SLC10A7: variants seen among roughly 807,000 people sequenced by gnomAD.
The protein encoded by SLC10A7 is sodium/bile acid cotransporter 7.
In SLC10A7, 29 loss-of-function variants were observed where a neutral mutation model predicts 43.2. The observed-to-expected ratio is 0.67, with a 90% CI of 0.50 to 0.92. The LOEUF (loss-of-function observed/expected upper bound fraction) is 0.92, where lower values mean the gene tolerates loss of function less well. Ranked by LOEUF, SLC10A7 falls within the 40% of genes least tolerant of loss-of-function variation. The pLI is 0.00. For synonymous variants in SLC10A7, 152 were observed against 144.8 expected (o/e 1.05, Z -0.35); for missense variants, 295 against 403.2 (o/e 0.73, Z 2.30).
At chr4:146,304,524 G>C (rs1471704871) in intron 7 of SLC10A7, among the ~76,000 whole-genome samples, 1 of 152,102 alleles carries the variant, frequency 6.6e-6, no homozygotes, top group Non-Finnish European at 1.5e-5. Flanking sequence ...AGTCATTCAG[G>C]AGCAGGTTGT....
chr4:146,413,571 A>C (rs908033959), intron 5 of SLC10A7, among the ~76,000 whole-genome samples: 1 of 152,198 alleles, frequency 6.6e-6, no homozygotes, highest in African/African-American at 2.4e-5. Flanking sequence ...TTTACTACTC[A>C]GGATGAATTA....
At chr4:146,382,998 T>C (rs1737739661) in intron 5 of SLC10A7, among the ~76,000 whole-genome samples, 1 of 152,020 alleles carries the variant, frequency 6.6e-6, no homozygotes, top group Non-Finnish European at 1.5e-5. Flanking sequence ...TGCCTCCTCA[T>C]GCATGGCTCC....
intron 7 of SLC10A7, among the ~76,000 whole-genome samples, chr4:146,299,707 C>T (rs1242408724): frequency 6.6e-6 from 1 of 152,072 alleles, no homozygotes; most frequent in African/African-American, 2.4e-5. Context: ...GATAAGGTAA[C>T]AATCCCTTTG....
chr4:146,392,105 A>G (rs192542398), intron 5 of SLC10A7, among the ~76,000 whole-genome samples: 2 of 152,306 alleles, frequency 1.3e-5, no homozygotes, highest in East Asian at 3.9e-4. Flanking sequence ...GCTCAGTATG[A>G]TCTATTCTTG....
At chr4:146,401,841 ATCAGTATTTTTTGT>A (rs1252097457) in intron 5 of SLC10A7, among the ~76,000 whole-genome samples, 5 of 152,218 alleles carry the variant, frequency 3.3e-5, no homozygotes, top group Admixed American at 1.3e-4. Context: ...GGTGCTTTGA[ATCAGTATTTTTTGT>A]TCAGTTTTCA....
chr4:146,379,686 A>G (rs1241473673), intron 5 of SLC10A7, among the ~76,000 whole-genome samples: 1 of 152,204 alleles, frequency 6.6e-6, no homozygotes, highest in Non-Finnish European at 1.5e-5. Flanking sequence ...TTAGCAATTA[A>G]TTACTTTCTT....
At chr4:146,513,030 G>A (rs559186650) in intron 2 of SLC10A7, among the ~76,000 whole-genome samples, 1 of 152,024 alleles carries the variant, frequency 6.6e-6, no homozygotes, top group African/African-American at 2.4e-5. Flanking sequence ...AATCTGTAGG[G>A]AAGTAGAATA....
At chr4:146,395,375 G>T (rs367794028) in intron 5 of SLC10A7, among the ~76,000 whole-genome samples, 90 of 152,230 alleles carry the variant, frequency 5.9e-4, no homozygotes, top group African/African-American at 2.1e-3. Flanking sequence ...AGGTAACAGA[G>T]CAAAACACTG....
At chr4:146,327,378 T>A (rs1256865573) in intron 5 of SLC10A7, among the ~76,000 whole-genome samples, 1 of 152,222 alleles carries the variant, frequency 6.6e-6, no homozygotes, top group Non-Finnish European at 1.5e-5. Context: ...TTGGTATCTA[T>A]GAAACAGGTT....
intron 5 of SLC10A7, among the ~76,000 whole-genome samples, chr4:146,350,422 G>C (rs1418424795): frequency 8.1e-6 from 1 of 123,524 alleles, no homozygotes; most frequent in Non-Finnish European, 1.7e-5. Flanking sequence ...AGCAGTCTGA[G>C]ATCAAACTGT....
At chr4:146,505,016 C>T (rs768608610) in intron 3 of SLC10A7, among the ~76,000 whole-genome samples, 5 of 152,126 alleles carry the variant, frequency 3.3e-5, no homozygotes, top group Non-Finnish European at 5.9e-5. Context: ...TAGAATATAT[C>T]TTCTGGGGAG....
chr4:146,349,420 T>A (rs549655642), intron 5 of SLC10A7, among the ~76,000 whole-genome samples: 2 of 152,298 alleles, frequency 1.3e-5, no homozygotes, highest in East Asian at 3.9e-4. Flanking sequence ...GGAATGTAAA[T>A]TATTTCAGCC....
intron 4 of SLC10A7, among the ~76,000 whole-genome samples, chr4:146,489,683 T>C (rs1435521152): frequency 1.3e-5 from 2 of 152,210 alleles, no homozygotes; most frequent in African/African-American, 4.8e-5. Flanking sequence ...AGTTATTCCA[T>C]CCTTCTGCTG....
intron 4 of SLC10A7, among the ~76,000 whole-genome samples, chr4:146,480,698 T>TA (rs1734394976): frequency 6.6e-6 from 1 of 151,964 alleles, no homozygotes; most frequent in Admixed American, 6.5e-5. Context: ...GGAAGTCTAG[T>TA]AGATAAATAT....
chr4:146,417,695 A>G (rs150018192), intron 5 of SLC10A7, among the ~76,000 whole-genome samples: 1 of 152,306 alleles, frequency 6.6e-6, no homozygotes, highest in East Asian at 1.9e-4. Flanking sequence ...CGACAGCAAT[A>G]TATAATATAG....
chr4:146,440,944 G>C (rs917500611), intron 5 of SLC10A7, among the ~76,000 whole-genome samples: 1 of 152,134 alleles, frequency 6.6e-6, no homozygotes, highest in Non-Finnish European at 1.5e-5. Context: ...TGAATTTAGA[G>C]TGCATATTGT....
At chr4:146,391,776 G>A (rs955216117) in intron 5 of SLC10A7, among the ~76,000 whole-genome samples, 1 of 152,196 alleles carries the variant, frequency 6.6e-6, no homozygotes, top group Admixed American at 6.5e-5. Context: ...TGAGAAGGCT[G>A]GAGGTTCATA....
At chr4:146,382,413 C>T (rs1358300255) in intron 5 of SLC10A7, among the ~76,000 whole-genome samples, 1 of 152,074 alleles carries the variant, frequency 6.6e-6, no homozygotes, top group Non-Finnish European at 1.5e-5. Context: ...CTACAGACTC[C>T]CAGGGGCTGG....
intron 6 of SLC10A7, among the ~76,000 whole-genome samples, chr4:146,316,810 T>C (rs544571373): frequency 6.6e-6 from 1 of 152,108 alleles, no homozygotes; most frequent in Non-Finnish European, 1.5e-5. Context: ...ATATCTGAAG[T>C]AGTTGGCCAG....
Sources: gnomAD v4.1 joint callset for allele counts (sites outside exome capture counted in the v4.1 genomes callset) on GRCh38, gnomAD v4.1.1 for gene constraint, MANE v1.5 for transcripts, NCBI Gene and HGNC (gene_info 2026-07-23, HGNC 2026-07-21) for gene names.